The following LINGO1 variants were observed in gnomAD, a reference collection of about 807,000 sequenced individuals.
LINGO1 encodes leucine rich repeat and Ig domain containing 1.
Under a neutral mutation model 37.3 loss-of-function variants are expected in LINGO1, and 11 were observed. The ratio of observed to expected loss-of-function variants is 0.29; its 90% confidence interval spans 0.19 to 0.49. LINGO1 has a LOEUF of 0.49. LINGO1 is among the 20% of genes least tolerant of loss of function. LINGO1 has a pLI of 0.99. For synonymous variants in LINGO1, 387 were observed against 403.0 expected (o/e 0.96, Z 0.48); for missense variants, 585 against 878.2 (o/e 0.67, Z 4.22).
intron 1 of LINGO1, among the ~76,000 whole-genome samples, chr15:77,692,599 G>A (rs2075623344): frequency 6.6e-6 from 1 of 152,226 alleles, no homozygotes; most frequent in African/African-American, 2.4e-5. Flanking sequence ...GACTGTGAAT[G>A]TAATACACCT....
intron 1 of LINGO1, among the ~76,000 whole-genome samples, chr15:77,768,410 C>T (rs546292560): frequency 2.2e-4 from 34 of 152,338 alleles, no homozygotes; most frequent in African/African-American, 6.7e-4. Flanking sequence ...GTGCCTCCTG[C>T]GTCCCAGGCA....
At chr15:77,797,533 G>A (rs766375735) in intron 1 of LINGO1, among the ~76,000 whole-genome samples, 1 of 152,256 alleles carries the variant, frequency 6.6e-6, no homozygotes, top group Non-Finnish European at 1.5e-5. Context: ...GAAAACACAA[G>A]TGCAGGTGGT....
intron 1 of LINGO1, among the ~76,000 whole-genome samples, chr15:77,616,722 T>A (rs1262380608): frequency 2.6e-5 from 4 of 152,190 alleles, no homozygotes; most frequent in Non-Finnish European, 4.4e-5. Flanking sequence ...CTCAGGCTCC[T>A]GAGCCCAGGG....
At chr15:77,765,072 GT>G (rs2076513997) in intron 1 of LINGO1, among the ~76,000 whole-genome samples, 1 of 152,022 alleles carries the variant, frequency 6.6e-6, no homozygotes, top group African/African-American at 2.4e-5. Context: ...CAGCAACATG[GT>G]TTTGAAAGTT....
intron 1 of LINGO1, among the ~76,000 whole-genome samples, chr15:77,693,074 G>A (rs560664759): frequency 1.7e-4 from 26 of 152,238 alleles, no homozygotes; most frequent in African/African-American, 5.5e-4. Flanking sequence ...ATGTGCACGC[G>A]TGCACACACA....
chr15:77,749,884 T>G (rs892038883), intron 1 of LINGO1, among the ~76,000 whole-genome samples: 2 of 152,128 alleles, frequency 1.3e-5, no homozygotes, highest in African/African-American at 4.8e-5. Flanking sequence ...GGAACCGGAC[T>G]TTCTGGACAA....
At chr15:77,755,254 T>C (rs1371960548) in intron 1 of LINGO1, among the ~76,000 whole-genome samples, 1 of 152,228 alleles carries the variant, frequency 6.6e-6, no homozygotes, top group Non-Finnish European at 1.5e-5. Flanking sequence ...CCCAGGGATC[T>C]GATGGGGAAG....
In LINGO1 at chr15:77,614,892, C is replaced by G; in HGVS notation, c.1015G>C (p.Val339Leu). The G allele has an allele frequency of 6.2e-7, 1 of 1,613,956 alleles. No homozygotes were observed. Among genetic ancestry groups the G allele is most frequent in the Non-Finnish European group, 8.5e-7 (1 of 1,179,892 alleles). Residue 339 changes from valine to leucine, a missense_variant, in exon 2 of 2, where the codon GTG becomes CTG. By Grantham distance (32) the Val-to-Leu change is conservative. This residue lies in a region of LINGO1 where 484 missense variants were observed against 735.0 expected (regional missense o/e 0.66). Transcript: ENST00000355300. Reference sequence around the variant, plus strand: ...AGCTGGTTGCCAGAGACATTGAGCACGCGCAGGTAGTTGAGGCCGCGGAAG... The same window carrying G: ...AGCTGGTTGCCAGAGACATTGAGCAGGCGCAGGTAGTTGAGGCCGCGGAAG... ...YAFRGLNYLR[V>L]LNVSGNQLTT...
intron 1 of LINGO1, among the ~76,000 whole-genome samples, chr15:77,629,114 A>G (rs1289365564): frequency 6.6e-6 from 1 of 152,228 alleles, no homozygotes; most frequent in Non-Finnish European, 1.5e-5. Context: ...ACTTGCCCAA[A>G]GTCACAGAAC....
chr15:77,770,587 CAAAAAAAAAAA>C (rs71145861), intron 1 of LINGO1, among the ~76,000 whole-genome samples: 2 of 79,330 alleles, frequency 2.5e-5, no homozygotes, highest in African/African-American at 5.2e-5. Flanking sequence ...GACTCTGTCT[CAAAAAAAAAAA>C]AAAAAAAAAA....
intron 3 of LINGO1, among the ~76,000 whole-genome samples, chr15:77,676,009 C>A (rs887231425): frequency 1.3e-5 from 2 of 152,248 alleles, no homozygotes; most frequent in African/African-American, 4.8e-5. Flanking sequence ...AGGCCCAACC[C>A]GCCCTGTCCC....
intron 2 of LINGO1, among the ~76,000 whole-genome samples, chr15:77,712,526 G>A (rs1457549046): frequency 1.3e-5 from 2 of 152,160 alleles, no homozygotes; most frequent in Non-Finnish European, 2.9e-5. Context: ...CGTGGAGGCT[G>A]TGCCCTCTGT....
At chr15:77,767,134 A>C (rs2076538072) in intron 1 of LINGO1, among the ~76,000 whole-genome samples, 1 of 152,200 alleles carries the variant, frequency 6.6e-6, no homozygotes, top group African/African-American at 2.4e-5. Context: ...TTTGACCCTC[A>C]TCAAGACAGA....
intron 1 of LINGO1, among the ~76,000 whole-genome samples, chr15:77,797,831 G>A (rs1460846038): frequency 6.6e-6 from 1 of 152,216 alleles, no homozygotes; most frequent in Non-Finnish European, 1.5e-5. Context: ...AAGCCCTCAG[G>A]GTCCCTCCCA....
chr15:77,628,757 TAGTG>T (rs1451202936), intron 1 of LINGO1, among the ~76,000 whole-genome samples: 2 of 152,172 alleles, frequency 1.3e-5, no homozygotes, highest in African/African-American at 4.8e-5. Context: ...GGGCCTGGAT[TAGTG>T]AGTAAGAGCC....
At chr15:77,624,056 T>A (rs1252369811) in intron 1 of LINGO1, among the ~76,000 whole-genome samples, 3 of 147,092 alleles carry the variant, frequency 2.0e-5, no homozygotes, top group African/African-American at 5.1e-5. Context: ...TGTGTGTGAG[T>A]GCGGTGTGTG....
intron 1 of LINGO1, among the ~76,000 whole-genome samples, chr15:77,621,057 C>T (rs1319247115): frequency 7.3e-6 from 1 of 136,648 alleles, no homozygotes; most frequent in Non-Finnish European, 1.5e-5. Flanking sequence ...AGGTTTGGGG[C>T]CTTTTTTTTT....
intron 1 of LINGO1, among the ~76,000 whole-genome samples, chr15:77,621,577 G>C (rs1877297): frequency 5.3e-5 from 8 of 152,154 alleles, no homozygotes; most frequent in East Asian, 1.9e-4. Flanking sequence ...CAGGCCAGGG[G>C]AGGGGCTGTC....
chr15:77,624,374 T>C (rs56209055), intron 1 of LINGO1, among the ~76,000 whole-genome samples: 26,618 of 151,926 alleles, frequency 0.18, 4,966 homozygotes, highest in African/African-American at 0.47. Flanking sequence ...TGGAGGATGC[T>C]GACTGGGCAT....
Sources: allele counts gnomAD v4.1 joint callset (sites outside exome capture counted in the v4.1 genomes callset), GRCh38; gene constraint gnomAD v4.1.1; regional missense constraint gnomAD v4.1.1; transcripts MANE v1.5; gene names NCBI Gene and HGNC (gene_info 2026-07-23, HGNC 2026-07-21).